Variants in FREM2 observed in about 807,000 individuals in gnomAD.
FREM2 encodes the protein FRAS1-related extracellular matrix protein 2.
FREM2 carries 119 observed loss-of-function variants against 219.9 expected under a neutral mutation model. The observed-to-expected ratio is 0.54, with a 90% CI of 0.47 to 0.63. FREM2 has a LOEUF of 0.63. Among genes scored for constraint, FREM2 ranks in the 30% least tolerant of loss-of-function variants. The pLI, the probability that FREM2 is intolerant of heterozygous loss-of-function variation, is 0.00. For synonymous variants in FREM2, 1,562 were observed against 1,522.8 expected, an observed-to-expected ratio of 1.03 and a Z score of -0.60; for missense variants, 4,030 against 3,993.6, an observed-to-expected ratio of 1.01 and a Z score of -0.25.
intron 2 of FREM2, among the ~76,000 whole-genome samples, chr13:38,738,925 A>T (rs1241922747): frequency 6.6e-6 from 1 of 152,230 alleles, no homozygotes; most frequent in Non-Finnish European, 1.5e-5. Flanking sequence ...TTTAACTTTG[A>T]TTCTAGAAAT....
intron 23 of FREM2, among the ~76,000 whole-genome samples, chr13:38,879,287 G>T (rs1289204961): frequency 6.6e-6 from 1 of 152,172 alleles, no homozygotes; most frequent in Non-Finnish European, 1.5e-5. Context: ...ATTTAGCCCA[G>T]AATATAAATC....
intron 2 of FREM2, among the ~76,000 whole-genome samples, chr13:38,715,883 G>A (rs967459470): frequency 2.0e-4 from 30 of 152,016 alleles, no homozygotes; most frequent in Non-Finnish European, 2.4e-4. Flanking sequence ...CTTAGTCTAA[G>A]CTTAAATTAA....
intron 2 of FREM2, among the ~76,000 whole-genome samples, chr13:38,735,184 A>T (rs1210104459): frequency 6.6e-6 from 1 of 152,194 alleles, no homozygotes; most frequent in African/African-American, 2.4e-5. Flanking sequence ...GCCTCACGAC[A>T]CTGTCCCTTT....
chr13:38,748,666 T>C (rs1872579172), intron 2 of FREM2, among the ~76,000 whole-genome samples: 1 of 152,228 alleles, frequency 6.6e-6, no homozygotes, highest in South Asian at 2.1e-4. Flanking sequence ...TAGGAATTAC[T>C]GCAGGTAAGA....
intron 6 of FREM2, among the ~76,000 whole-genome samples, chr13:38,811,006 A>G (rs1378572831): frequency 1.3e-5 from 2 of 151,954 alleles, no homozygotes; most frequent in Admixed American, 1.3e-4. Flanking sequence ...TTCAGGTTTG[A>G]GATTTCTACA....
chr13:38,864,742 C>A (rs1291052789), intron 16 of FREM2, 136 bp downstream of exon 16: 8 of 763,456 alleles, frequency 1.0e-5, no homozygotes, highest in Non-Finnish European at 1.8e-5. Context: ...AGGGACCAGA[C>A]AACTGGCATG....
chr13:38,796,683 G>T (rs1874800414), intron 6 of FREM2, among the ~76,000 whole-genome samples: 1 of 152,130 alleles, frequency 6.6e-6, no homozygotes. Context: ...GGACACTTAG[G>T]ATGATTCCAT....
chr13:38,773,723 A>G (rs985051899), intron 4 of FREM2, among the ~76,000 whole-genome samples: 8 of 152,216 alleles, frequency 5.3e-5, no homozygotes, highest in African/African-American at 1.4e-4. Flanking sequence ...CACCACACAC[A>G]GCCTCTTCTT....
chr13:38,730,466 G>A (rs1013376955), intron 2 of FREM2, among the ~76,000 whole-genome samples: 1 of 152,190 alleles, frequency 6.6e-6, no homozygotes, highest in African/African-American at 2.4e-5. Flanking sequence ...GATAGAGGGA[G>A]CCCTGTGAGC....
Position 38,687,638 on chromosome 13 carries a change from G to A in FREM2, c.294G>A (p.Gln98=). 1 of 1,608,198 alleles carries A rather than the reference G, an allele frequency of 6.2e-7. No individual in the cohort carries two copies. Among genetic ancestry groups the A allele is most frequent in the Non-Finnish European group, 8.5e-7 (1 of 1,177,226 alleles). ...WLDPLHDLVL[Q]VQPGDRCAVS... ...ATCCCCTGCATGACCTGGTGTTGCA[G>A]GTGCAGCCCGGGGACCGCTGCGCGG... Residue 98 remains glutamine (Q), a synonymous_variant, in exon 1 of 24, where the codon CAG becomes CAA. Coordinates refer to ENST00000280481, the MANE Select transcript of FREM2 (RefSeq NM_207361.6).
intron 2 of FREM2, among the ~76,000 whole-genome samples, chr13:38,754,337 C>G (rs1242463264): frequency 6.6e-6 from 1 of 152,170 alleles, no homozygotes; most frequent in Non-Finnish European, 1.5e-5. Flanking sequence ...GGGAAACTCA[C>G]TCGGATGACA....
Position 38,861,563 on chromosome 13 carries a change from G to A in FREM2, c.7651+1G>A. 6.2e-7 allele frequency: 1 copy of A among 1,613,896 alleles called. No individual in the cohort carries two copies. The highest frequency in any genetic ancestry group is 8.5e-7 in the Non-Finnish European group (1 of 1,179,886). On this transcript the variant is annotated splice_donor_variant, in intron 15 of 23. Coordinates refer to ENST00000280481, the MANE Select transcript of FREM2 (RefSeq NM_207361.6). LOFTEE classifies it high-confidence loss of function. ...ACTGTCACAATGCCACACATAGATG[G>A]TAGGTGACTTGGGTAAGCAAATCCA...
chr13:38,793,269 A>G (rs1301999074), intron 6 of FREM2, among the ~76,000 whole-genome samples: 2 of 152,230 alleles, frequency 1.3e-5, no homozygotes, highest in Non-Finnish European at 2.9e-5. Flanking sequence ...AGCATAAAAT[A>G]AATGTGGTAA....
chr13:38,757,782 G>C (rs376631834), intron 2 of FREM2, among the ~76,000 whole-genome samples: 1 of 152,072 alleles, frequency 6.6e-6, no homozygotes, highest in East Asian at 1.9e-4. Flanking sequence ...GTAGAGACGG[G>C]GTTTCACCAT....
At chr13:38,780,346 G>T (rs530655731) in intron 4 of FREM2, among the ~76,000 whole-genome samples, 1 of 152,198 alleles carries the variant, frequency 6.6e-6, no homozygotes, top group Admixed American at 6.5e-5. Flanking sequence ...ACCACACCTG[G>T]TCCGTCAGAA....
At chr13:38,699,751 A>G (rs149380352) in intron 2 of FREM2, among the ~76,000 whole-genome samples, 1 of 152,152 alleles carries the variant, frequency 6.6e-6, no homozygotes, top group African/African-American at 2.4e-5. Context: ...GACCTGCAAG[A>G]TTAAAAAGTC....
chr13:38,783,535 A>G (rs995054301), intron 5 of FREM2, among the ~76,000 whole-genome samples: 2 of 151,822 alleles, frequency 1.3e-5, no homozygotes, highest in African/African-American at 4.8e-5. Context: ...AAACTAATTT[A>G]AAACCAGTTT....
intron 7 of FREM2, 150 bp from the exon 8 acceptor site, chr13:38,848,311 T>C: frequency 3.0e-6 from 2 of 672,436 alleles, no homozygotes; most frequent in Non-Finnish European, 5.2e-6. Context: ...TACTAATCTT[T>C]TGCCTTTTAT....
At chr13:38,827,508 C>T (rs1876338794) in intron 6 of FREM2, 1 of 152,060 alleles carries the variant, frequency 6.6e-6, no homozygotes, top group Non-Finnish European at 1.5e-5. Context: ...TTGATGACCT[C>T]CCATACACCA....
Sources: gnomAD v4.1 joint callset for allele counts (sites outside exome capture counted in the v4.1 genomes callset) on GRCh38, gnomAD v4.1.1 for gene constraint, MANE v1.5 for transcripts, NCBI Gene and HGNC (gene_info 2026-07-23, HGNC 2026-07-21) for gene names.